ITPKB: variants seen among roughly 807,000 people sequenced by gnomAD.
ITPKB encodes the protein inositol-trisphosphate 3-kinase B.
In ITPKB, 13 loss-of-function variants were observed where a neutral mutation model predicts 69.4. That is an observed-to-expected ratio of 0.19 (90% CI 0.12 to 0.30). The LOEUF (loss-of-function observed/expected upper bound fraction) is 0.30, where lower values mean the gene tolerates loss of function less well. Ranked by LOEUF, ITPKB falls within the 10% of genes least tolerant of loss-of-function variation. The probability of loss-of-function intolerance (pLI) is 1.00; values close to 1 mark genes in which losing one functional copy is unlikely to be tolerated. For missense variants in ITPKB, 1,240 were observed against 1,250.5 expected (o/e 0.99, Z 0.13); for synonymous variants, 584 against 513.7 (o/e 1.14, Z -1.85).
At chr1:226,650,504 G>A (rs1278545479) in intron 2 of ITPKB, among the ~76,000 whole-genome samples, 1 of 152,252 alleles carries the variant, frequency 6.6e-6, no homozygotes, top group East Asian at 1.9e-4. Context: ...CCAGAAGGCT[G>A]CATAAACAAT....
chr1:226,691,747 C>T (rs1386021751), intron 2 of ITPKB, among the ~76,000 whole-genome samples: 1 of 152,206 alleles, frequency 6.6e-6, no homozygotes, highest in Non-Finnish European at 1.5e-5. Flanking sequence ...TATCATGCCA[C>T]CTTAGCAGCT....
At chr1:226,733,877 G>A (rs905896701) in intron 2 of ITPKB, among the ~76,000 whole-genome samples, 2 of 152,114 alleles carry the variant, frequency 1.3e-5, no homozygotes, top group African/African-American at 4.8e-5. Context: ...TCAAACATCG[G>A]GACACAAACT....
chr1:226,726,792 T>C (rs981730457), intron 2 of ITPKB, among the ~76,000 whole-genome samples: 28 of 152,094 alleles, frequency 1.8e-4, no homozygotes, highest in African/African-American at 6.8e-4. Flanking sequence ...GTTTAATCCA[T>C]AAGGTTTTTT....
chr1:226,666,510 G>A (rs1268251868), intron 2 of ITPKB, among the ~76,000 whole-genome samples: 1 of 152,118 alleles, frequency 6.6e-6, no homozygotes, highest in Non-Finnish European at 1.5e-5. Flanking sequence ...AGATCTAATG[G>A]GACCATGCTG....
intron 2 of ITPKB, among the ~76,000 whole-genome samples, chr1:226,680,899 C>T (rs1656072616): frequency 6.6e-6 from 1 of 152,208 alleles, no homozygotes; most frequent in Non-Finnish European, 1.5e-5. Flanking sequence ...CCACCCCCAA[C>T]ACACACACCC....
chr1:226,715,570 C>T (rs1189111067), intron 2 of ITPKB, among the ~76,000 whole-genome samples: 1 of 152,154 alleles, frequency 6.6e-6, no homozygotes, highest in Non-Finnish European at 1.5e-5. Context: ...TCAAAATGAA[C>T]TAACTACTCA....
chr1:226,729,343 A>G (rs1657518424), intron 2 of ITPKB, among the ~76,000 whole-genome samples: 1 of 151,898 alleles, frequency 6.6e-6, no homozygotes, highest in East Asian at 2.0e-4. Context: ...TTATCCGGGC[A>G]TGGTGGCATG....
At chr1:226,650,826 G>A (rs1421753100) in intron 2 of ITPKB, among the ~76,000 whole-genome samples, 1 of 152,184 alleles carries the variant, frequency 6.6e-6, no homozygotes, top group Non-Finnish European at 1.5e-5. Flanking sequence ...TCCCTCCTGG[G>A]GCCTCAGTTT....
intron 4 of ITPKB, among the ~76,000 whole-genome samples, chr1:226,645,146 C>T (rs1356236749): frequency 6.6e-6 from 1 of 152,170 alleles, no homozygotes; most frequent in Non-Finnish European, 1.5e-5. Flanking sequence ...GCGGTGAGAA[C>T]GCAATGGGAT....
At chr1:226,652,267 T>C (rs759243174) in intron 2 of ITPKB, among the ~76,000 whole-genome samples, 1 of 152,182 alleles carries the variant, frequency 6.6e-6, no homozygotes, top group Non-Finnish European at 1.5e-5. Context: ...AGAATCAATG[T>C]CCTTGTGATG....
At chr1:226,671,440 GC>G (rs1440962382) in intron 2 of ITPKB, among the ~76,000 whole-genome samples, 1 of 152,240 alleles carries the variant, frequency 6.6e-6, no homozygotes, top group African/African-American at 2.4e-5. Context: ...ATTCACGCAT[GC>G]ATGCACACAT....
intron 2 of ITPKB, 118 bp downstream of exon 2, chr1:226,735,409 A>C: frequency 7.0e-6 from 8 of 1,146,420 alleles, no homozygotes; most frequent in African/African-American, 1.6e-5. Context: ...TGACTGTCCC[A>C]GGGCCCTGGT....
In ITPKB at chr1:226,647,253, C is replaced by T. The variant is rs780811510; in HGVS notation, c.2160G>A (p.Val720=). Residue 720 remains valine, a synonymous_variant, in exon 4 of 8, where the codon GTG becomes GTA. Coordinates refer to ENST00000429204, the MANE Select transcript of ITPKB (RefSeq NM_002221.4). ...PFVPAYHGDV[V]KDGERYNQMD... is the part of the protein sequence containing the mutation. Reference sequence around the variant, plus strand: ...TCTGGTTGTAGCGCTCCCCGTCCTTCACCACATCCCCATGGTAGGCAGGTA... The same window carrying T: ...TCTGGTTGTAGCGCTCCCCGTCCTTTACCACATCCCCATGGTAGGCAGGTA... 1 of 1,614,220 alleles carries T rather than the reference C, an allele frequency of 6.2e-7. No homozygotes were observed. Among genetic ancestry groups the T allele is most frequent in the Admixed American group, 1.7e-5 (1 of 60,032 alleles).
At chr1:226,721,267 G>C (rs1235085354) in intron 2 of ITPKB, among the ~76,000 whole-genome samples, 1 of 142,996 alleles carries the variant, frequency 7.0e-6, no homozygotes, top group Admixed American at 7.3e-5. Context: ...AGAATCGCTT[G>C]AACCCAGGAG....
At chr1:226,638,232 G>C (rs1372236011) in intron 6 of ITPKB, among the ~76,000 whole-genome samples, 1 of 152,222 alleles carries the variant, frequency 6.6e-6, no homozygotes, top group Non-Finnish European at 1.5e-5. Context: ...CATGTTCCAT[G>C]GTGGCCACTG....
intron 2 of ITPKB, among the ~76,000 whole-genome samples, chr1:226,688,966 C>T (rs1004300458): frequency 6.6e-6 from 1 of 152,178 alleles, no homozygotes; most frequent in African/African-American, 2.4e-5. Context: ...TGGCTAGTTC[C>T]ACTAGCTTGG....
At chr1:226,661,921 G>A (rs531403328) in intron 2 of ITPKB, among the ~76,000 whole-genome samples, 2 of 152,296 alleles carry the variant, frequency 1.3e-5, no homozygotes, top group East Asian at 3.9e-4. Context: ...CAAGGAAAGG[G>A]CAGAAGGTGT....
In ITPKB at chr1:226,736,269, G is replaced by A; in HGVS notation, c.1190C>T (p.Thr397Ile). 1.9e-6 allele frequency: 3 copies of A among 1,582,460 alleles called. No homozygotes were observed. The South Asian group carries it at 3.5e-5, about 18-fold the overall frequency. ...PEVGKRPEETTVSVQSAESSD... is the reference protein window; with the variant it reads ...PEVGKRPEETIVSVQSAESSD... ...GGACTCTGCGCTTTGCACGCTCACAGTCGTCTCCTCTGGCCTTTTGCCCAC... is the reference window on the plus strand; with the variant it reads ...GGACTCTGCGCTTTGCACGCTCACAATCGTCTCCTCTGGCCTTTTGCCCAC... The change falls in exon 2 of 8, where the codon ACT becomes ATT. Residue 397 changes from threonine to isoleucine, a missense_variant. Thr to Ile is a moderately conservative substitution (Grantham distance 89, BLOSUM62 -1). Coordinates refer to ENST00000429204, the MANE Select transcript of ITPKB (RefSeq NM_002221.4).
chr1:226,640,010 G>A (rs777601232), intron 5 of ITPKB, among the ~76,000 whole-genome samples: 1 of 152,106 alleles, frequency 6.6e-6, no homozygotes. Flanking sequence ...AGAGAGGGTC[G>A]GCCTCGACTT....
Sources: allele counts gnomAD v4.1 joint callset (sites outside exome capture counted in the v4.1 genomes callset), GRCh38; gene constraint gnomAD v4.1.1; transcripts MANE v1.5; gene names NCBI Gene and HGNC (gene_info 2026-07-23, HGNC 2026-07-21).